Variants in VAV2 observed in about 807,000 individuals in gnomAD.
VAV2 encodes guanine nucleotide exchange factor VAV2.
Under a neutral mutation model 132.5 loss-of-function variants are expected in VAV2, and 67 were observed. The observed-to-expected ratio is 0.51, with a 90% confidence interval of 0.42 to 0.62. The LOEUF (loss-of-function observed/expected upper bound fraction) is 0.62, where lower values mean the gene tolerates loss of function less well. VAV2 is among the 20% of genes least tolerant of loss of function. The pLI is 0.00. For synonymous variants in VAV2, 492 were observed against 443.5 expected, an observed-to-expected ratio of 1.11 and a Z score of -1.37; for missense variants, 938 against 1,153.6, an observed-to-expected ratio of 0.81 and a Z score of 2.71.
intron 1 of VAV2, among the ~76,000 whole-genome samples, chr9:133,972,264 C>A (rs903213218): frequency 2.0e-5 from 3 of 152,208 alleles, no homozygotes; most frequent in African/African-American, 7.2e-5. Context: ...CTGTCCTCAG[C>A]GGGCACGCCC....
intron 19 of VAV2, 37 bp downstream of exon 19, chr9:133,783,466 C>T: frequency 6.4e-7 from 1 of 1,570,612 alleles, no homozygotes; most frequent in African/African-American, 1.4e-5. Flanking sequence ...GCAGGCGTGG[C>T]CAGGGACTGG....
intron 4 of VAV2, among the ~76,000 whole-genome samples, chr9:133,819,083 G>A (rs1414381657): frequency 1.3e-5 from 2 of 151,908 alleles, no homozygotes; most frequent in African/African-American, 2.4e-5. Context: ...CCATGACTAC[G>A]AGGAACATTC....
chr9:133,943,139 G>T (rs746568681), intron 1 of VAV2, among the ~76,000 whole-genome samples: 1 of 152,218 alleles, frequency 6.6e-6, no homozygotes, highest in Non-Finnish European at 1.5e-5. Context: ...GAGGACGGGC[G>T]TGTGGGCAGG....
chr9:133,984,044 T>C (rs1156346303), intron 1 of VAV2, among the ~76,000 whole-genome samples: 3 of 152,170 alleles, frequency 2.0e-5, no homozygotes, highest in Non-Finnish European at 4.4e-5. Flanking sequence ...TGATCTCAGC[T>C]CACTGCAACC....
At chr9:133,776,339 C>T (rs563631791) in intron 23 of VAV2, among the ~76,000 whole-genome samples, 2 of 152,228 alleles carry the variant, frequency 1.3e-5, no homozygotes, top group South Asian at 4.1e-4. Context: ...GACTTGATCC[C>T]CTGGGACAGC....
chr9:133,981,160 T>C (rs1420110058), intron 1 of VAV2, among the ~76,000 whole-genome samples: 3 of 152,128 alleles, frequency 2.0e-5, no homozygotes, highest in Admixed American at 2.0e-4. Context: ...CCAGCAGGTT[T>C]TCCTCACTCA....
intron 2 of VAV2, among the ~76,000 whole-genome samples, chr9:133,874,575 C>T (rs1414439653): frequency 1.3e-5 from 2 of 152,140 alleles, no homozygotes; most frequent in African/African-American, 2.4e-5. Flanking sequence ...TCAAGGTACC[C>T]GCCCAGACCT....
chr9:133,928,503 C>T lies in VAV2; in HGVS notation c.321+10600G>A, dbSNP rs1383843591. Among the ~76,000 whole-genome samples the T allele has an allele frequency of 6.6e-6, 1 of 152,158 alleles. No individual in the cohort carries two copies. Among genetic ancestry groups the T allele is most frequent in the African/African-American group, 2.4e-5 (1 of 41,448 alleles). On this transcript the variant is annotated intron_variant, in intron 2 of 29. Transcript: ENST00000371850. The surrounding 1 kb of genome is among the most constrained non-coding windows in gnomAD (Gnocchi z 5.4). ...GCACGTCTCACTGCCAGCATTAAGG[C>T]AGGGAGTGCAAATGAACTCACCGCA...
At chr9:133,789,663 CAAGCGGGACCCGG>C (rs1302873840) in intron 13 of VAV2, among the ~76,000 whole-genome samples, 1 of 152,016 alleles carries the variant, frequency 6.6e-6, no homozygotes, top group Non-Finnish European at 1.5e-5. Flanking sequence ...TGTGGAGCCC[CAAGCGGGACCCGG>C]TCGGAAAAGC....
rs1463575088 is a variant in VAV2 at position 133,912,665 on chromosome 9, G to A, written c.321+26438C>T. On this transcript the variant is annotated intron_variant, in intron 2 of 29. Transcript: ENST00000371850. This position sits in a 1 kb window ranked among gnomAD's most constrained non-coding sequence, Gnocchi z 4.3. ...CACGTGTGCACAGCACTCCCGAGGCGCTCCCAAGCTGTCAGGCAGCCATCC... is the reference window on the plus strand; with the variant it reads ...CACGTGTGCACAGCACTCCCGAGGCACTCCCAAGCTGTCAGGCAGCCATCC... Among the ~76,000 whole-genome samples, 1 of 152,128 alleles carries A rather than the reference G, an allele frequency of 6.6e-6. No homozygotes were observed. The highest frequency in any genetic ancestry group is 1.9e-4 in the East Asian group (1 of 5,192).
intron 4 of VAV2, among the ~76,000 whole-genome samples, chr9:133,829,080 C>T (rs564904004): frequency 1.3e-5 from 2 of 152,320 alleles, no homozygotes; most frequent in East Asian, 1.9e-4. Context: ...CTGGGAGCCC[C>T]CCAGTGCAGG....
chr9:133,768,480 C>T lies in VAV2; in HGVS notation c.2551G>A (p.Gly851Arg), dbSNP rs748032251. ...DVVRIYSRIGGDQGWWKGETN... is the reference protein window; with the variant it reads ...DVVRIYSRIGRDQGWWKGETN... ...TCGCCCTTCCACCAGCCCTGGTCTC[C>T]GCCGATGCGGCTGTAGATCCTCACC... Residue 851 changes from glycine (G) to arginine (R), a missense_variant, in exon 29 of 30, where the codon GGA (glycine) becomes AGA (arginine). By Grantham distance (125) the Gly-to-Arg change is moderately radical. Transcript: ENST00000371850. This position sits in a 1 kb window ranked among gnomAD's most constrained non-coding sequence, Gnocchi z 5.3. 46 of 1,613,714 alleles carry T rather than the reference C, an allele frequency of 2.9e-5. No individual in the cohort carries two copies. Among genetic ancestry groups the T allele is most frequent in the African/African-American group, 5.3e-5 (4 of 74,886 alleles).
intron 1 of VAV2, among the ~76,000 whole-genome samples, chr9:133,988,692 G>C (rs959647773): frequency 1.3e-5 from 2 of 152,238 alleles, no homozygotes; most frequent in African/African-American, 4.8e-5. Flanking sequence ...GGGAGGCTGA[G>C]GCGAGCAGAT....
rs78084508 is a variant in VAV2 at position 133,827,600 on chromosome 9, G to A, written c.449+6672C>T. Among the ~76,000 whole-genome samples the A allele has an allele frequency of 3.6e-3, 117 of 32,118 alleles. 5 individuals carry two copies. Among genetic ancestry groups the A allele is most frequent in the Non-Finnish European group, 7.2e-3 (80 of 11,076 alleles). The allele number at this position is 32,118 out of a possible 152,430, so 21.1% of individuals were successfully genotyped here. ...TGACCACTGAGCACGGGCATCGCCA[G>A]CTACTGCTGTGCCCACTGAGGCTGA... On this transcript the variant is annotated intron_variant, in intron 4 of 29. Transcript: ENST00000371850.
chr9:133,805,403 C>T (rs1427402953), intron 9 of VAV2, among the ~76,000 whole-genome samples: 1 of 152,188 alleles, frequency 6.6e-6, no homozygotes. Flanking sequence ...GAGAGCTTGG[C>T]ACCGTCCCCT....
intron 2 of VAV2, among the ~76,000 whole-genome samples, chr9:133,917,958 C>T: frequency 6.6e-6 from 1 of 151,926 alleles, no homozygotes; most frequent in Non-Finnish European, 1.5e-5. Context: ...AAGCCCCGGC[C>T]CATCGCCACT....
intron 8 of VAV2, among the ~76,000 whole-genome samples, chr9:133,806,973 T>C (rs1835173209): frequency 1.3e-5 from 2 of 152,240 alleles, no homozygotes. Context: ...CTCTGGCCGC[T>C]GACAAAAACT....
Position 133,784,438 on chromosome 9 carries a change from G to A in VAV2, c.1533-20C>T, listed in dbSNP as rs769627986. On this transcript the variant is annotated intron_variant, in intron 17 of 29. Transcript: ENST00000371850. Reference sequence around the variant, plus strand: ...TTTGACCTGGCAGGAGGGAAAGAGAGCAGATGCTACACCCACTGGATTCCC... The same window carrying A: ...TTTGACCTGGCAGGAGGGAAAGAGAACAGATGCTACACCCACTGGATTCCC... 6.8e-6 allele frequency: 11 copies of A among 1,613,230 alleles called. No individual in the cohort carries two copies. The highest frequency in any genetic ancestry group is 5.0e-5 in the Admixed American group (3 of 60,006).
chr9:133,894,325 C>G (rs1406527893), intron 2 of VAV2, among the ~76,000 whole-genome samples: 1 of 152,242 alleles, frequency 6.6e-6, no homozygotes, highest in Non-Finnish European at 1.5e-5. Context: ...GTGCAACTGA[C>G]CCAAGAAGGA....
Sources: gnomAD v4.1 joint callset for allele counts (sites outside exome capture counted in the v4.1 genomes callset) on GRCh38, gnomAD v4.1.1 for gene constraint, Gnocchi (gnomAD v3.1) non-coding constraint, MANE v1.5 for transcripts, NCBI Gene and HGNC (gene_info 2026-07-23, HGNC 2026-07-21) for gene names.